EYA4: variants seen among roughly 807,000 people sequenced by gnomAD.
The protein encoded by EYA4 is protein phosphatase EYA4.
In EYA4, 31 loss-of-function variants were observed where a neutral mutation model predicts 87.9. The observed-to-expected ratio is 0.35, with a 90% CI of 0.27 to 0.48. EYA4 has a LOEUF of 0.48. EYA4 is among the 20% of genes least tolerant of loss of function. The probability of loss-of-function intolerance (pLI) is 0.99; values close to 1 mark genes in which losing one functional copy is unlikely to be tolerated. For missense variants in EYA4, 678 were observed against 761.4 expected (o/e 0.89, Z 1.29); for synonymous variants, 263 against 270.6 (o/e 0.97, Z 0.28).
chr6:133,438,057 TAAAAAG>T (rs985602914), intron 3 of EYA4, among the ~76,000 whole-genome samples: 3 of 152,122 alleles, frequency 2.0e-5, no homozygotes, highest in Non-Finnish European at 4.4e-5. Flanking sequence ...AAATTGGAAT[TAAAAAG>T]AAAATGAAGT....
intron 3 of EYA4, among the ~76,000 whole-genome samples, chr6:133,394,284 GTTTTTTTTTTTTTTTTTTT>G (rs869103311): frequency 1.1e-4 from 2 of 17,874 alleles, no homozygotes; most frequent in Admixed American, 1.4e-3. Flanking sequence ...ATAAGCTTGT[GTTTTTTTTTTTTTTTTTTT>G]TTTTTTTTTT....
intron 1 of EYA4, among the ~76,000 whole-genome samples, chr6:133,266,340 A>T (rs1296047854): frequency 3.9e-5 from 6 of 152,152 alleles, no homozygotes; most frequent in African/African-American, 1.4e-4. Context: ...TGAGCCAAGG[A>T]TGGCCAGCAA....
chr6:133,360,613 GTC>G (rs961042111), intron 2 of EYA4: 10 of 152,218 alleles, frequency 6.6e-5, no homozygotes, highest in Admixed American at 3.9e-4. Context: ...TGATAAGCCA[GTC>G]TCTGTGAATA....
At chr6:133,274,629 C>T in intron 1 of EYA4, 87 bp from the exon 2 acceptor site, 1 of 675,546 alleles carries the variant, frequency 1.5e-6, no homozygotes, top group Middle Eastern at 2.5e-4. Flanking sequence ...TACTAATTAC[C>T]ATGCTATGTC....
chr6:133,245,140 C>T (rs1196273107), intron 1 of EYA4: 1 of 152,108 alleles, frequency 6.6e-6, no homozygotes. Flanking sequence ...ACAGGCCCCT[C>T]TTTATAAGGA....
rs150732439 is a variant in EYA4, at chr6:133,261,854, T to C, written c.-65-12862T>C. 1.7e-3 allele frequency among the ~76,000 whole-genome samples: 262 copies of C among 152,356 alleles called. 2 individuals are homozygous for C. Among genetic ancestry groups the C allele is most frequent in the African/African-American group, 6.1e-3 (253 of 41,582 alleles). On this transcript the variant is annotated intron_variant, in intron 1 of 19. Transcript: ENST00000355286. ...AAGTGGTCTGTATTTTTGAAATATA[T>C]TTTTTGTTTAATCATAACAAAATAT...
At chr6:133,519,859 G>A (rs1799955349) in intron 17 of EYA4, among the ~76,000 whole-genome samples, 1 of 150,502 alleles carries the variant, frequency 6.6e-6, no homozygotes, top group Non-Finnish European at 1.5e-5. Context: ...ATCAATAAAT[G>A]TAATCCAGCA....
At chr6:133,504,287 T>G (rs1423522136) in intron 13 of EYA4, among the ~76,000 whole-genome samples, 2 of 152,190 alleles carry the variant, frequency 1.3e-5, no homozygotes, top group Non-Finnish European at 2.9e-5. Flanking sequence ...ATTTGATCTT[T>G]GGGTATATAG....
intron 2 of EYA4, among the ~76,000 whole-genome samples, chr6:133,340,641 C>G (rs1218524991): frequency 6.6e-6 from 1 of 152,092 alleles, no homozygotes; most frequent in Non-Finnish European, 1.5e-5. Flanking sequence ...TGCTTGAGAA[C>G]AGAAAAGAAG....
chr6:133,247,217 A>G (rs956805165), intron 1 of EYA4: 1 of 152,242 alleles, frequency 6.6e-6, no homozygotes, highest in Non-Finnish European at 1.5e-5. Context: ...AACCACAGTC[A>G]TGAAGGCTGG....
chr6:133,303,781 T>C (rs1779594351), intron 2 of EYA4, among the ~76,000 whole-genome samples: 1 of 152,240 alleles, frequency 6.6e-6, no homozygotes, highest in Non-Finnish European at 1.5e-5. Context: ...CTCACTTGAT[T>C]CATGCCATCT....
intron 3 of EYA4, among the ~76,000 whole-genome samples, chr6:133,404,335 A>T (rs568957918): frequency 6.6e-6 from 1 of 152,334 alleles, no homozygotes; most frequent in Admixed American, 6.5e-5. Context: ...TAATAACATC[A>T]TTCTGTCCAT....
chr6:133,499,043 C>G, intron 13 of EYA4, among the ~76,000 whole-genome samples: 1 of 152,098 alleles, frequency 6.6e-6, no homozygotes, highest in East Asian at 1.9e-4. Context: ...AGCTAATATA[C>G]CAGAGAGATA....
At chr6:133,301,882 A>G (rs1429325502) in intron 2 of EYA4, among the ~76,000 whole-genome samples, 1 of 152,274 alleles carries the variant, frequency 6.6e-6, no homozygotes, top group Non-Finnish European at 1.5e-5. Flanking sequence ...GACATAGCCC[A>G]TGCTCTGAAG....
At chr6:133,373,165 CAT>C (rs1482289778) in intron 2 of EYA4, among the ~76,000 whole-genome samples, 1 of 151,962 alleles carries the variant, frequency 6.6e-6, no homozygotes, top group African/African-American at 2.4e-5. Flanking sequence ...TGTTTGGAAA[CAT>C]ATGTAACTAT....
intron 2 of EYA4, among the ~76,000 whole-genome samples, chr6:133,370,746 T>G (rs1299769457): frequency 6.6e-6 from 1 of 152,208 alleles, no homozygotes; most frequent in Non-Finnish European, 1.5e-5. Flanking sequence ...TAATTTGTTT[T>G]GAAATTTGTG....
At chr6:133,408,321 G>A (rs980193457) in intron 3 of EYA4, among the ~76,000 whole-genome samples, 4 of 152,170 alleles carry the variant, frequency 2.6e-5, no homozygotes, top group African/African-American at 9.6e-5. Context: ...TTTGTTAATG[G>A]GCTCAGATTC....
intron 3 of EYA4, among the ~76,000 whole-genome samples, chr6:133,414,595 A>T (rs1321853914): frequency 6.6e-6 from 1 of 152,136 alleles, no homozygotes; most frequent in Non-Finnish European, 1.5e-5. Context: ...TATCTCTTCA[A>T]TTCACTGGAC....
At chr6:133,482,878 A>G (rs1291489686) in intron 12 of EYA4, among the ~76,000 whole-genome samples, 154 bp from the exon 13 acceptor site, 1 of 150,910 alleles carries the variant, frequency 6.6e-6, no homozygotes, top group African/African-American at 2.4e-5. Flanking sequence ...TAGGAGTTAG[A>G]TTTGGCAAAT....
Sources: gnomAD v4.1 joint callset for allele counts (sites outside exome capture counted in the v4.1 genomes callset) on GRCh38, gnomAD v4.1.1 for gene constraint, MANE v1.5 for transcripts, NCBI Gene and HGNC (gene_info 2026-07-23, HGNC 2026-07-21) for gene names.